UBE2E2: variants seen among roughly 807,000 people sequenced by gnomAD.
UBE2E2 encodes the protein ubiquitin-conjugating enzyme E2 E2.
In UBE2E2, 6 loss-of-function variants were observed where a neutral mutation model predicts 24.7. The ratio of observed to expected loss-of-function variants is 0.24; its 90% CI spans 0.13 to 0.48. UBE2E2 has a LOEUF of 0.48. Ranked by LOEUF, UBE2E2 falls within the 20% of genes least tolerant of loss-of-function variation. UBE2E2 has a pLI of 0.99. For synonymous variants in UBE2E2, 104 were observed against 83.6 expected (o/e 1.24, Z -1.33); for missense variants, 169 against 245.0 (o/e 0.69, Z 2.07).
intron 3 of UBE2E2, among the ~76,000 whole-genome samples, chr3:23,325,826 A>C (rs1694875674): frequency 6.6e-6 from 1 of 152,210 alleles, no homozygotes; most frequent in Non-Finnish European, 1.5e-5. Flanking sequence ...CTTATATCCT[A>C]ACTTCTCTTA....
intron 3 of UBE2E2, among the ~76,000 whole-genome samples, chr3:23,400,874 C>G (rs1697206587): frequency 6.6e-6 from 1 of 151,870 alleles, no homozygotes; most frequent in Non-Finnish European, 1.5e-5. Flanking sequence ...ATTCTGGGTA[C>G]TAGGGATACA....
chr3:23,422,641 T>C (rs1458175934), intron 3 of UBE2E2, among the ~76,000 whole-genome samples: 1 of 152,142 alleles, frequency 6.6e-6, no homozygotes, highest in Non-Finnish European at 1.5e-5. Context: ...TAAATACTTG[T>C]GGGTTATCAG....
intron 3 of UBE2E2, among the ~76,000 whole-genome samples, chr3:23,281,967 G>C (rs1433766783): frequency 6.6e-6 from 1 of 152,098 alleles, no homozygotes; most frequent in African/African-American, 2.4e-5. Flanking sequence ...TTTCAGTCTA[G>C]TCCTCAAAAT....
intron 3 of UBE2E2, among the ~76,000 whole-genome samples, chr3:23,238,280 G>A (rs1036869094): frequency 2.0e-5 from 3 of 152,174 alleles, no homozygotes; most frequent in Non-Finnish European, 4.4e-5. Flanking sequence ...CAAAACCTGA[G>A]TTTTGTCACA....
intron 3 of UBE2E2, among the ~76,000 whole-genome samples, chr3:23,283,772 C>T (rs1439116907): frequency 6.6e-6 from 1 of 152,074 alleles, no homozygotes; most frequent in Non-Finnish European, 1.5e-5. Flanking sequence ...CAAAACAAAG[C>T]CTTCTCAAAA....
At chr3:23,560,596 T>G (rs977653703) in intron 5 of UBE2E2, among the ~76,000 whole-genome samples, 1 of 152,004 alleles carries the variant, frequency 6.6e-6, no homozygotes, top group African/African-American at 2.4e-5. Context: ...ATGGGATTGC[T>G]GGGTCAAATG....
chr3:23,211,888 C>G (rs17012812), intron 2 of UBE2E2, among the ~76,000 whole-genome samples: 100,276 of 152,070 alleles, frequency 0.66, 33,489 homozygotes, highest in African/African-American at 0.7. Flanking sequence ...AATCTACGGT[C>G]ATATTTTTCA....
intron 3 of UBE2E2, among the ~76,000 whole-genome samples, chr3:23,421,404 A>T (rs1207289751): frequency 6.6e-6 from 1 of 152,226 alleles, no homozygotes; most frequent in Non-Finnish European, 1.5e-5. Context: ...TGTATGTAAC[A>T]TGGAATACTA....
chr3:23,391,009 A>G (rs1302980814), intron 3 of UBE2E2, among the ~76,000 whole-genome samples: 2 of 152,206 alleles, frequency 1.3e-5, no homozygotes, highest in African/African-American at 2.4e-5. Context: ...ATACTTCTTC[A>G]ATGCTTATTG....
chr3:23,238,317 G>A (rs11129112), intron 3 of UBE2E2, among the ~76,000 whole-genome samples: 51,907 of 151,968 alleles, frequency 0.34, 9,114 homozygotes, highest in African/African-American at 0.38. Context: ...AATTGAGCAA[G>A]TACCATTCCT....
chr3:23,275,571 C>T (rs1235903375), intron 3 of UBE2E2, among the ~76,000 whole-genome samples: 1 of 152,170 alleles, frequency 6.6e-6, no homozygotes, highest in Non-Finnish European at 1.5e-5. Flanking sequence ...AAAAGAATGA[C>T]TTACCTGCTT....
intron 5 of UBE2E2, among the ~76,000 whole-genome samples, chr3:23,544,637 A>G (rs56964757): frequency 0.26 from 39,647 of 152,098 alleles, 5,654 homozygotes; most frequent in East Asian, 0.37. Context: ...GACTATGGAG[A>G]TTTCTCAAAG....
intron 3 of UBE2E2, among the ~76,000 whole-genome samples, chr3:23,446,361 A>G (rs549537996): frequency 2.6e-5 from 4 of 152,264 alleles, no homozygotes; most frequent in South Asian, 2.1e-4. Flanking sequence ...AATGTCTGCT[A>G]TGTGTATTTT....
chr3:23,428,448 G>T (rs1399374860), intron 3 of UBE2E2, among the ~76,000 whole-genome samples: 1 of 152,024 alleles, frequency 6.6e-6, no homozygotes, highest in East Asian at 1.9e-4. Context: ...GAAGAAGAAA[G>T]ATCTAAAATC....
At chr3:23,421,714 A>G (rs1045390121) in intron 3 of UBE2E2, among the ~76,000 whole-genome samples, 6 of 152,204 alleles carry the variant, frequency 3.9e-5, no homozygotes, top group African/African-American at 1.2e-4. Flanking sequence ...CCTGGAGGCC[A>G]TTGTCTTAAG....
At chr3:23,400,879 G>C (rs1000991060) in intron 3 of UBE2E2, among the ~76,000 whole-genome samples, 4 of 151,946 alleles carry the variant, frequency 2.6e-5, no homozygotes, top group Non-Finnish European at 5.9e-5. Context: ...GGGTACTAGG[G>C]ATACAGCTGT....
intron 5 of UBE2E2, among the ~76,000 whole-genome samples, chr3:23,534,822 A>G (rs1392799458): frequency 6.6e-6 from 1 of 152,186 alleles, no homozygotes; most frequent in South Asian, 2.1e-4. Flanking sequence ...AATAGGAATA[A>G]ATAAGATTTT....
At chr3:23,403,808 CAAAA>C (rs375422962) in intron 3 of UBE2E2, among the ~76,000 whole-genome samples, 3 of 82,182 alleles carry the variant, frequency 3.7e-5, no homozygotes, top group African/African-American at 7.7e-5. Context: ...ATTCCGTCTC[CAAAA>C]AAAAAAAAAA....
chr3:23,471,241 G>A (rs996298568), intron 3 of UBE2E2, among the ~76,000 whole-genome samples: 8 of 152,150 alleles, frequency 5.3e-5, no homozygotes, highest in Non-Finnish European at 4.4e-5. Context: ...ACTACAGGAA[G>A]AAGATTCCTG....
Sources: allele counts gnomAD v4.1 joint callset (sites outside exome capture counted in the v4.1 genomes callset), GRCh38; gene constraint gnomAD v4.1.1; transcripts MANE v1.5; gene names NCBI Gene and HGNC (gene_info 2026-07-23, HGNC 2026-07-21).